Variants in TTN observed in about 807,000 individuals in gnomAD.
TTN encodes titin, also known as connectin.
Under a neutral mutation model 3,223.0 loss-of-function variants are expected in TTN, and 1,525 were observed. The ratio of observed to expected loss-of-function variants is 0.47; its 90% CI spans 0.45 to 0.49. The LOEUF is 0.49. Ranked by LOEUF, TTN falls within the 20% of genes least tolerant of loss-of-function variation. TTN has a pLI of 0.00. For synonymous variants in TTN, 14,094 were observed against 15,161.0 expected, an observed-to-expected ratio of 0.93 and a Z score of 5.17; for missense variants, 40,786 against 43,424.0, an observed-to-expected ratio of 0.94 and a Z score of 5.40.
chr2:178,732,356 G>A lies in TTN; in HGVS notation c.16622-9C>T, dbSNP rs752362183. 4.0e-5 allele frequency: 63 copies of A among 1,584,140 alleles called. No homozygotes were observed. Among genetic ancestry groups the A allele is most frequent in the Middle Eastern group, 1.7e-4 (1 of 5,918 alleles). On this transcript the variant is annotated splice_polypyrimidine_tract_variant and intron_variant, in intron 56 of 362. Transcript: ENST00000589042. Reference sequence around the variant, plus strand: ...AACAAATGTGGCAGGTTCTGTGGAAGGAAGGAAGTTATTAAGAAATGTGAG... The same window carrying A: ...AACAAATGTGGCAGGTTCTGTGGAAAGAAGGAAGTTATTAAGAAATGTGAG...
At position 178,780,189 on chromosome 2, in the gene TTN, C is replaced by T. The variant is rs1195439037; in HGVS notation, c.3540G>A (p.Leu1180=). 2 of 1,613,648 alleles carry T rather than the reference C, an allele frequency of 1.2e-6. No homozygotes were observed. Among genetic ancestry groups the T allele is most frequent in the Non-Finnish European group, 1.7e-6 (2 of 1,179,710 alleles). The change falls in exon 22 of 363, where the codon CTG becomes CTA. Residue 1180 remains leucine, a synonymous_variant. Coordinates refer to ENST00000589042, the MANE Select transcript of TTN (RefSeq NM_001267550.2). ...SLLEEADYEL[L]MKSQQEMLYQ... ...AAAGCATTTCTTGCTGGGACTTCAT[C>T]AGTAACTCATAATCAGCTAAGAGTT...
rs2742339 is a variant in TTN, at chr2:178,707,245, G to C, written c.29041+281C>G. ...GCCTACTTTCTATCGCATTATTATAGCATCATTTTTGGAACTGCGTTAATT... is the reference window on the plus strand; with the variant it reads ...GCCTACTTTCTATCGCATTATTATACCATCATTTTTGGAACTGCGTTAATT... On this transcript the variant is annotated intron_variant, in intron 100 of 362. Transcript: ENST00000589042. Among the ~76,000 whole-genome samples, 3,933 of 152,214 alleles carry C rather than the reference G, an allele frequency of 0.026. 148 individuals carry two copies. Among genetic ancestry groups the C allele is most frequent in the East Asian group, 0.19 (982 of 5,184 alleles).
Position 178,695,357 on chromosome 2 carries a change from G to A in TTN, c.31261C>T (p.Pro10421Ser). 1 of 1,611,786 alleles carries A rather than the reference G, an allele frequency of 6.2e-7. No individual in the cohort carries two copies. The highest frequency in any genetic ancestry group is 8.5e-7 in the Non-Finnish European group (1 of 1,178,266). Reference protein sequence around the residue: ...AKVPEKKAPPPPKVIKKPVIE... With the variant: ...AKVPEKKAPPSPKVIKKPVIE... ...ATTTCTAATTACTTACCTTTAGGAG[G>A]TGGTGGTGCTTTCTTTTCAGGTACT... is the stretch of plus-strand genomic sequence containing the variant. Residue 10421 changes from proline to serine, a missense_variant, in exon 115 of 363, where the codon CCT (proline) becomes TCT (serine). Pro to Ser is a moderately conservative substitution (Grantham distance 74). Transcript: ENST00000589042.
intron 240 of TTN, 50 bp from the exon 241 acceptor site, chr2:178,625,446 G>A (rs1276189213): frequency 8.8e-6 from 13 of 1,474,924 alleles, no homozygotes; most frequent in South Asian, 4.5e-5. Flanking sequence ...TAGTATATGG[G>A]TGCATTTAAT....
intron 47 of TTN, 126 bp downstream of exon 47, chr2:178,752,998 C>G (rs1424891568): frequency 1.4e-6 from 1 of 708,704 alleles, no homozygotes; most frequent in African/African-American, 1.8e-5. Flanking sequence ...AATATATACT[C>G]TAAGAGATAT....
chr2:178,578,743 TATA>T (rs1447804751), intron 320 of TTN, 28 bp from the exon 321 acceptor site: 1 of 1,604,290 alleles, frequency 6.2e-7, no homozygotes, highest in South Asian at 1.1e-5. Flanking sequence ...ATGCAAGATT[TATA>T]ATAAGAAGCC....
Position 178,565,022 on chromosome 2 carries a change from A to G in TTN, c.81110T>C (p.Leu27037Pro). 1 of 1,613,268 alleles carries G rather than the reference A, an allele frequency of 6.2e-7. No individual in the cohort carries two copies. Among genetic ancestry groups the G allele is most frequent in the South Asian group, 1.1e-5 (1 of 90,932 alleles). ...VARTTIKITKLKTGTEYQFRI... is the reference protein window; with the variant it reads ...VARTTIKITKPKTGTEYQFRI... ...AAACTGGTACTCCGTGCCTGTTTTC[A>G]GTTTGGTTATTTTAATTGTTGTTCT... Residue 27037 changes from leucine (L) to proline (P), a missense_variant, in exon 326 of 363, where the codon CTG becomes CCG. Physicochemically the swap from Leu to Pro is moderately conservative, Grantham distance 98 (BLOSUM62 -3). Coordinates refer to ENST00000589042, the MANE Select transcript of TTN (RefSeq NM_001267550.2).
At position 178,538,759 on chromosome 2, in the gene TTN, A is replaced by C. The variant is rs200744054; in HGVS notation, c.99070T>G (p.Cys33024Gly). The C allele has an allele frequency of 6.2e-7, 1 of 1,613,686 alleles. No homozygotes were observed. Among genetic ancestry groups the C allele is most frequent in the Non-Finnish European group, 8.5e-7 (1 of 1,179,718 alleles). ...CCAAGAATTTCTTTACCACCATCAC[A>C]TTCAGGTTTCTCCCACTGTAGAGTG... ...SVTLQWEKPE[C>G]DGGKEILGYW... The change falls in exon 354 of 363, where the codon TGT becomes GGT. Residue 33024 changes from cysteine (C) to glycine (G), a missense_variant. By Grantham distance (159) the Cys-to-Gly change is radical. Coordinates refer to ENST00000589042, the MANE Select transcript of TTN (RefSeq NM_001267550.2).
chr2:178,762,018 CT>C (rs1381174021), intron 43 of TTN, among the ~76,000 whole-genome samples: 1 of 152,112 alleles, frequency 6.6e-6, no homozygotes, highest in Non-Finnish European at 1.5e-5. Context: ...AACATTTTCG[CT>C]GTTAGAAACA....
At chr2:178,684,227 T>TCAACAA (rs78092378) in intron 132 of TTN, 103 bp downstream of exon 132, 108 of 1,280,456 alleles carry the variant, frequency 8.4e-5, no homozygotes, top group East Asian at 3.2e-4. Context: ...AACAACAACA[T>TCAACAA]CAACAACAAC....
rs1370326075 is a variant in TTN at position 178,727,830 on chromosome 2, T to C, written c.19748A>G (p.Gln6583Arg). ...PPSFLVKPGR[Q>R]QAIPDSTVEF... ...CACTGTAGAATCAGGTATGGCTTGCTGTCGCCCAGGTTTCACTAGGAAGCT... is the reference window on the plus strand; with the variant it reads ...CACTGTAGAATCAGGTATGGCTTGCCGTCGCCCAGGTTTCACTAGGAAGCT... Residue 6583 changes from glutamine to arginine, a missense_variant, in exon 68 of 363, where the codon CAG (glutamine) becomes CGG (arginine). Coordinates refer to ENST00000589042, the MANE Select transcript of TTN (RefSeq NM_001267550.2). The C allele has an allele frequency of 6.2e-7, 1 of 1,603,292 alleles. No homozygotes were observed. Among genetic ancestry groups the C allele is most frequent in the East Asian group, 2.2e-5 (1 of 44,712 alleles).
rs786205314 is a variant in TTN at position 178,723,594 on chromosome 2, T to C, written c.21506A>G (p.Asn7169Ser). 1.2e-5 allele frequency: 19 copies of C among 1,613,280 alleles called. No homozygotes were observed. Among genetic ancestry groups the C allele is most frequent in the South Asian group, 6.6e-5 (6 of 91,018 alleles). Reference sequence around the variant, plus strand: ...TAGTTCTCTGGCACCTCTGAACCAGTTGACTTTGAATGGAGGGGTTCCTCT... The same window carrying C: ...TAGTTCTCTGGCACCTCTGAACCAGCTGACTTTGAATGGAGGGGTTCCTCT... The part of the protein sequence containing the change: ...VIRGTPPFKV[N>S]WFRGARELVK... The change falls in exon 74 of 363, where the codon AAC becomes AGC. Residue 7169 changes from asparagine to serine, a missense_variant. Coordinates refer to ENST00000589042, the MANE Select transcript of TTN (RefSeq NM_001267550.2).
rs769733988 is a variant in TTN, at chr2:178,750,765, C to T, written c.11311+2359G>A. On this transcript the variant is annotated intron_variant, in intron 47 of 362. Coordinates refer to ENST00000589042, the MANE Select transcript of TTN (RefSeq NM_001267550.2). ...ACAAGTGTACCAAAAGATTCGCTGG[C>T]ATGTGGTGTAATAGCTTGAGACACA... 1.0e-4 allele frequency: 167 copies of T among 1,612,882 alleles called. No homozygotes were observed. Among genetic ancestry groups the T allele is most frequent in the East Asian group, 3.8e-4 (17 of 44,804 alleles).
In TTN at chr2:178,718,776, G is replaced by T. The variant is rs990633841; in HGVS notation, c.24424C>A (p.Pro8142Thr). 1.9e-6 allele frequency: 3 copies of T among 1,613,614 alleles called. No individual in the cohort carries two copies. Among genetic ancestry groups the T allele is most frequent in the African/African-American group, 2.7e-5 (2 of 74,886 alleles). Residue 8142 changes from proline to threonine, a missense_variant, in exon 84 of 363, where the codon CCA becomes ACA. Coordinates refer to ENST00000589042, the MANE Select transcript of TTN (RefSeq NM_001267550.2). Reference protein sequence around the residue: ...VTELELFEVQPLESGDYSCLV... With the variant: ...VTELELFEVQTLESGDYSCLV... ...CAAGAATAGTCTCCACTTTCTAATG[G>T]CTGCACCTCAAACAACTCCAGTTCT...
Position 178,548,129 on chromosome 2 carries a change from G to A in TTN, c.93497C>T (p.Thr31166Ile). The change falls in exon 339 of 363, where the codon ACC becomes ATC. Residue 31166 changes from threonine (T) to isoleucine (I), a missense_variant. Thr to Ile is a moderately conservative substitution (Grantham distance 89, BLOSUM62 -1). Coordinates refer to ENST00000589042, the MANE Select transcript of TTN (RefSeq NM_001267550.2). The surrounding 1 kb of genome is among the most constrained non-coding windows in gnomAD (Gnocchi z 4.3). ...CTCTACTGTGAAAGTTAGCTGTTTGGTGTGACCAGCTTCAACCCAGAAGTC... is the reference window on the plus strand; with the variant it reads ...CTCTACTGTGAAAGTTAGCTGTTTGATGTGACCAGCTTCAACCCAGAAGTC... ...GSDFWVEAGHTKQLTFTVERL... is the reference protein window; with the variant it reads ...GSDFWVEAGHIKQLTFTVERL... 1 of 1,613,844 alleles carries A rather than the reference G, an allele frequency of 6.2e-7. No homozygotes were observed. Among genetic ancestry groups the A allele is most frequent in the African/African-American group, 1.3e-5 (1 of 75,018 alleles).
In TTN at chr2:178,764,312, G is replaced by A. The variant is rs2089962968; in HGVS notation, c.9989-10C>T. On this transcript the variant is annotated splice_polypyrimidine_tract_variant and intron_variant, in intron 42 of 362. Coordinates refer to ENST00000589042, the MANE Select transcript of TTN (RefSeq NM_001267550.2). ...GACACAACTTCTGGAACTAAAGAAA[G>A]AAACCACAAGATTTGTCATGATTAA... is the stretch of plus-strand genomic sequence containing the variant. The A allele has an allele frequency of 6.2e-7, 1 of 1,613,574 alleles. No individual in the cohort carries two copies. Among genetic ancestry groups the A allele is most frequent in the African/African-American group, 1.3e-5 (1 of 74,914 alleles).
At position 178,720,241 on chromosome 2, in the gene TTN, G is replaced by A. The variant is rs1264966822; in HGVS notation, c.23401C>T (p.Leu7801=). 1 of 1,610,862 alleles carries A rather than the reference G, an allele frequency of 6.2e-7. No homozygotes were observed. Among genetic ancestry groups the A allele is most frequent in the Admixed American group, 1.7e-5 (1 of 59,782 alleles). ...CCAATAAGGGTTGAGGTGTCACTTA[G>A]CTTTTTCACGAATCGTGGAGGTTCT... ...FKEPPRFVKK[L]SDTSTLIGDA... The change falls in exon 81 of 363, where the codon CTA becomes TTA. Residue 7801 remains leucine, a synonymous_variant. Transcript: ENST00000589042.
Position 178,570,422 on chromosome 2 carries a change from A to G in TTN, c.75710T>C (p.Ile25237Thr), listed in dbSNP as rs756017651. ...TCTCCTTTCCACAATATAATTTATG[A>G]TGTCACTCCCACCATCCTGAAGTGG... ...KPPLQDGGSDIINYIVERRET... is the reference protein window; with the variant it reads ...KPPLQDGGSDTINYIVERRET... Residue 25237 changes from isoleucine (I) to threonine (T), a missense_variant, in exon 326 of 363, where the codon ATC (isoleucine) becomes ACC (threonine). Ile to Thr is a moderately conservative substitution (Grantham distance 89). Coordinates refer to ENST00000589042, the MANE Select transcript of TTN (RefSeq NM_001267550.2). 6.2e-7 allele frequency: 1 copy of G among 1,613,128 alleles called. No homozygotes were observed. Among genetic ancestry groups the G allele is most frequent in the African/African-American group, 1.3e-5 (1 of 74,982 alleles).
Position 178,702,578 on chromosome 2 carries a change from A to T in TTN, c.30309T>A (p.Phe10103Leu). ...TGTACCATGTTACAATGGCATCATC[A>T]AAGGACACTTCACACTCAAAGGTGG... ...QSATFECEVS[F>L]DDAIVTWYKG... Residue 10103 changes from phenylalanine (F) to leucine (L), a missense_variant, in exon 107 of 363, where the codon TTT (phenylalanine) becomes TTA (leucine). Phe to Leu is a conservative substitution (Grantham distance 22). Coordinates refer to ENST00000589042, the MANE Select transcript of TTN (RefSeq NM_001267550.2). 6.2e-7 allele frequency: 1 copy of T among 1,613,962 alleles called. No individual in the cohort carries two copies. The highest frequency in any genetic ancestry group is 8.5e-7 in the Non-Finnish European group (1 of 1,179,878).
Sources: gnomAD v4.1 joint callset for allele counts (sites outside exome capture counted in the v4.1 genomes callset) on GRCh38, gnomAD v4.1.1 for gene constraint, Gnocchi (gnomAD v3.1) non-coding constraint, MANE v1.5 for transcripts, NCBI Gene and HGNC (gene_info 2026-07-23, HGNC 2026-07-21) for gene names.